MTREX: variants seen among roughly 807,000 people sequenced by gnomAD.
The protein encoded by MTREX is exosome RNA helicase MTR4.
In MTREX, 76 loss-of-function variants were observed where a neutral mutation model predicts 135.4. That is an observed-to-expected ratio of 0.56 (90% CI 0.47 to 0.68). MTREX has a LOEUF of 0.68. Ranked by LOEUF, MTREX falls within the 30% of genes least tolerant of loss-of-function variation. MTREX has a pLI of 0.00. For synonymous variants in MTREX, 404 were observed against 401.6 expected (o/e 1.01, Z -0.07); for missense variants, 920 against 1,262.1 (o/e 0.73, Z 4.11).
Position 55,413,205 on chromosome 5 carries a change from G to A in MTREX, c.2752-977G>A, listed in dbSNP as rs138528325. ...AATACAAAAATTAGCTGGGCGTGGT[G>A]GCACTCCTGTAATCCCAGCTACTCA... On this transcript the variant is annotated intron_variant, in intron 23 of 26. Transcript: ENST00000230640. Among the ~76,000 whole-genome samples, 1,377 of 151,864 alleles carry A rather than the reference G, an allele frequency of 9.1e-3. 10 individuals are homozygous for A. Among genetic ancestry groups the A allele is most frequent in the Middle Eastern group, 0.044 (13 of 294 alleles).
At chr5:55,416,930 G>A (rs1008888967) in intron 25 of MTREX, among the ~76,000 whole-genome samples, 4 of 151,972 alleles carry the variant, frequency 2.6e-5, no homozygotes, top group African/African-American at 7.2e-5. Flanking sequence ...AATATTATAG[G>A]CCTTTCAACT....
chr5:55,321,889 T>C (rs1473243882), intron 1 of MTREX, among the ~76,000 whole-genome samples: 1 of 152,154 alleles, frequency 6.6e-6, no homozygotes, highest in East Asian at 1.9e-4. Context: ...ATTACGGGTA[T>C]GAGCCACCGT....
At chr5:55,394,236 G>A (rs1750613191) in intron 19 of MTREX, among the ~76,000 whole-genome samples, 1 of 152,122 alleles carries the variant, frequency 6.6e-6, no homozygotes, top group Non-Finnish European at 1.5e-5. Context: ...CATACAAATT[G>A]TGCATCTTTC....
intron 1 of MTREX, among the ~76,000 whole-genome samples, chr5:55,314,925 T>G (rs749964554): frequency 3.9e-5 from 6 of 152,352 alleles, no homozygotes; most frequent in Admixed American, 2.6e-4. Flanking sequence ...ATGCTGCTGC[T>G]GATCTGACTG....
chr5:55,318,154 A>G (rs1165932565), intron 1 of MTREX, among the ~76,000 whole-genome samples: 1 of 152,234 alleles, frequency 6.6e-6, no homozygotes, highest in African/African-American at 2.4e-5. Flanking sequence ...AAAAGGGATC[A>G]CTTATAACTG....
chr5:55,365,722 G>A (rs997643783), intron 15 of MTREX, among the ~76,000 whole-genome samples: 10 of 152,206 alleles, frequency 6.6e-5, no homozygotes, highest in East Asian at 5.8e-4. Flanking sequence ...AGGCCCGGGC[G>A]CGGTGGCTCA....
chr5:55,397,889 T>G (rs997904325), intron 20 of MTREX, among the ~76,000 whole-genome samples: 12 of 152,190 alleles, frequency 7.9e-5, no homozygotes, highest in African/African-American at 2.9e-4. Flanking sequence ...ATTGTTTTAT[T>G]TTCAATAGGG....
intron 1 of MTREX, 68 bp from the exon 2 acceptor site, chr5:55,322,259 T>G: frequency 7.2e-7 from 1 of 1,384,274 alleles, no homozygotes; most frequent in Non-Finnish European, 9.8e-7. Flanking sequence ...TAGAGCAGTA[T>G]TTTATGATGT....
intron 1 of MTREX, among the ~76,000 whole-genome samples, chr5:55,309,393 A>T (rs1749064755): frequency 6.6e-6 from 1 of 152,220 alleles, no homozygotes; most frequent in South Asian, 2.1e-4. Flanking sequence ...ATAGGGAAAG[A>T]AGATAGACAG....
In MTREX at chr5:55,422,977, CAGA is replaced by C; in HGVS notation, c.3074_3076del (p.Glu1025del). 6.2e-7 allele frequency: 1 copy of C among 1,612,182 alleles called. No individual in the cohort carries two copies. The highest frequency in any genetic ancestry group is 8.5e-7 in the Non-Finnish European group (1 of 1,178,594). ...AACACTGAGCTGGAAAATAAATTTG[CAGA>C]AGGTCAGTATCAAATGGATAAGCTG... On this transcript the variant is annotated inframe_deletion and splice_region_variant, in exon 26 of 27. Coordinates refer to ENST00000230640, the MANE Select transcript of MTREX (RefSeq NM_015360.5).
At chr5:55,350,580 G>A (rs536453744) in intron 12 of MTREX, among the ~76,000 whole-genome samples, 91 of 152,250 alleles carry the variant, frequency 6.0e-4, no homozygotes, top group Middle Eastern at 3.4e-3. Context: ...GGGGGTTTGA[G>A]TTGCCAGTAT....
At chr5:55,310,901 C>T (rs933835788) in intron 1 of MTREX, among the ~76,000 whole-genome samples, 1 of 151,646 alleles carries the variant, frequency 6.6e-6, no homozygotes, top group Non-Finnish European at 1.5e-5. Flanking sequence ...CCTCAGCCTC[C>T]TGAATAGCTA....
At chr5:55,342,313 A>G (rs1749664369) in intron 7 of MTREX, among the ~76,000 whole-genome samples, 2 of 152,236 alleles carry the variant, frequency 1.3e-5, no homozygotes, top group East Asian at 1.9e-4. Flanking sequence ...GCAAATTCAA[A>G]TAAAGCAAAA....
Position 55,410,635 on chromosome 5 carries a change from T to G in MTREX, c.2751+6T>G. 6.4e-7 allele frequency: 1 copy of G among 1,562,774 alleles called. No individual in the cohort carries two copies. The highest frequency in any genetic ancestry group is 8.8e-7 in the Non-Finnish European group (1 of 1,137,440). On this transcript the variant is annotated splice_donor_region_variant and intron_variant, in intron 23 of 26. Coordinates refer to ENST00000230640, the MANE Select transcript of MTREX (RefSeq NM_015360.5). ...GCTTTGTGTTTCAAGAGAATGTAAG[T>G]TAATTGATTCAGCACATCTTATTTA... is the stretch of plus-strand genomic sequence containing the variant.
chr5:55,308,050 T>C lies in MTREX; in HGVS notation c.37T>C (p.Phe13Leu), dbSNP rs762480114. ...ATTCGGAGATGAGCTGTTCAGCGTG[T>C]TCGAGGGCGACTCGACCACTGCGGC... ...DAFGDELFSV[F>L]EGDSTTAAGT... The change falls in exon 1 of 27, where the codon TTC becomes CTC. Residue 13 changes from phenylalanine (F) to leucine (L), a missense_variant. This residue lies in a region of MTREX where 136 missense variants were observed against 126.7 expected (regional missense o/e 1.07). Transcript: ENST00000230640. 3 of 1,614,080 alleles carry C rather than the reference T, an allele frequency of 1.9e-6. No homozygotes were observed. Among genetic ancestry groups the C allele is most frequent in the Non-Finnish European group, 2.5e-6 (3 of 1,180,024 alleles).
chr5:55,362,240 G>A lies in MTREX; in HGVS notation c.1659+3542G>A, dbSNP rs147540399. On this transcript the variant is annotated intron_variant, in intron 15 of 26. Coordinates refer to ENST00000230640, the MANE Select transcript of MTREX (RefSeq NM_015360.5). ...GAACCATCGCGCTGGCTGGCTTGGC[G>A]AATTTTTAAAGGAGCAATAGAGAAA... is the stretch of plus-strand genomic sequence containing the variant. Among the ~76,000 whole-genome samples the A allele has an allele frequency of 6.4e-3, 966 of 151,720 alleles. 15 individuals carry two copies. The highest frequency in any genetic ancestry group is 0.021 in the African/African-American group (860 of 41,364).
At chr5:55,410,393 T>C in intron 22 of MTREX, 131 bp from the exon 23 acceptor site, 2 of 447,462 alleles carry the variant, frequency 4.5e-6, no homozygotes, top group East Asian at 3.3e-5. Context: ...AAATAAATCA[T>C]TGTCATTCCT....
At chr5:55,348,717 C>G (rs1749777798) in intron 11 of MTREX, among the ~76,000 whole-genome samples, 1 of 151,874 alleles carries the variant, frequency 6.6e-6, no homozygotes, top group Admixed American at 6.6e-5. Context: ...ATTGTTCTGC[C>G]CATAAATGTT....
chr5:55,324,013 C>G, intron 2 of MTREX, 119 bp from the exon 3 acceptor site: 3 of 675,290 alleles, frequency 4.4e-6, no homozygotes, highest in South Asian at 1.9e-5. Flanking sequence ...AAAGTTTTTC[C>G]TATTTGGAAT....
Sources: gnomAD v4.1 joint callset for allele counts (sites outside exome capture counted in the v4.1 genomes callset) on GRCh38, gnomAD v4.1.1 for gene constraint, gnomAD v4.1.1 regional missense constraint, MANE v1.5 for transcripts, NCBI Gene and HGNC (gene_info 2026-07-23, HGNC 2026-07-21) for gene names.